Variants in EPB41L4A observed in about 807,000 individuals in gnomAD.
EPB41L4A encodes band 4.1-like protein 4A.
In EPB41L4A, 100 loss-of-function variants were observed where a neutral mutation model predicts 108.6. That is an observed-to-expected ratio of 0.92 (90% confidence interval 0.78 to 1.09). EPB41L4A has a LOEUF of 1.09. Among genes scored for constraint, EPB41L4A ranks in the 50% least tolerant of loss-of-function variants. The pLI is 0.00. For synonymous variants in EPB41L4A, 319 were observed against 289.0 expected (o/e 1.10, Z -1.05); for missense variants, 1,030 against 842.7 (o/e 1.22, Z -2.75).
chr5:112,316,922 C>T (rs1179829565), intron 1 of EPB41L4A, among the ~76,000 whole-genome samples: 4 of 152,174 alleles, frequency 2.6e-5, no homozygotes, highest in African/African-American at 4.8e-5. Flanking sequence ...GCAAGGTAAT[C>T]TGACTTCGTG....
chr5:112,366,171 A>C (rs991963617), intron 1 of EPB41L4A, among the ~76,000 whole-genome samples: 1 of 152,102 alleles, frequency 6.6e-6, no homozygotes, highest in African/African-American at 2.4e-5. Flanking sequence ...TTCAACACAG[A>C]AACTGTAGTG....
chr5:112,158,351 T>C, downstream of EPB41L4A: 2 of 305,884 alleles, frequency 6.5e-6, no homozygotes, highest in Admixed American at 4.1e-5. Context: ...TCCACAAACC[T>C]TTCATAATTC....
chr5:112,163,065 A>T lies in EPB41L4A; in HGVS notation c.*1925T>A, dbSNP rs1231042247. ...ACCACTTCAGGCTCCCTCTGGCTTTATTAAAGCAAGATAAATCCATGGTGG... is the reference window on the plus strand; with the variant it reads ...ACCACTTCAGGCTCCCTCTGGCTTTTTTAAAGCAAGATAAATCCATGGTGG... On this transcript the variant is annotated 3_prime_UTR_variant, in exon 23 of 23. Coordinates refer to ENST00000261486, the MANE Select transcript of EPB41L4A (RefSeq NM_022140.5). 4.6e-5 allele frequency: 7 copies of T among 152,368 alleles called. No homozygotes were observed. In the East Asian group the frequency reaches 1.3e-3, roughly 29 times the overall value. The allele number at this position is 152,368 out of a possible 1,614,324, so 9.4% of individuals were successfully genotyped here. A position where few individuals can be genotyped will look rare whatever the true frequency, so the allele number is the denominator to read the frequency against.
At chr5:112,257,241 T>A (rs532384077) in intron 9 of EPB41L4A, 2 of 152,248 alleles carry the variant, frequency 1.3e-5, no homozygotes, top group East Asian at 3.9e-4. Flanking sequence ...CAAGAATACT[T>A]AGGAAACAGA....
intron 1 of EPB41L4A, among the ~76,000 whole-genome samples, chr5:112,402,507 G>C (rs1249506814): frequency 6.6e-6 from 1 of 152,116 alleles, no homozygotes. Flanking sequence ...AAAAGCACGG[G>C]AGTGCTTGCT....
At chr5:112,386,771 C>G (rs909271518) in intron 1 of EPB41L4A, among the ~76,000 whole-genome samples, 3 of 152,134 alleles carry the variant, frequency 2.0e-5, no homozygotes, top group African/African-American at 7.2e-5. Context: ...AAGAAAGATA[C>G]TATATACATG....
At position 112,398,427 on chromosome 5, in the gene EPB41L4A, C is replaced by T. The variant is rs918414779; in HGVS notation, c.99+20514G>A. Among the ~76,000 whole-genome samples, 4 of 152,072 alleles carry T rather than the reference C, an allele frequency of 2.6e-5. No individual in the cohort carries two copies. In the East Asian group the frequency reaches 5.8e-4, roughly 22 times the overall value. On this transcript the variant is annotated intron_variant, in intron 1 of 22. Transcript: ENST00000261486. ...TGTCTTTGAGACAGTCTCACTCTGT[C>T]GTCCAGGCTGGAGTGCAGTGGCACC...
chr5:112,231,715 G>A (rs1466388069), intron 12 of EPB41L4A, among the ~76,000 whole-genome samples: 1 of 147,774 alleles, frequency 6.8e-6, no homozygotes, highest in Non-Finnish European at 1.5e-5. Flanking sequence ...AACCCGGGAG[G>A]CGGAGCTTGC....
intron 2 of EPB41L4A, among the ~76,000 whole-genome samples, chr5:112,303,145 T>C (rs548828542): frequency 5.7e-4 from 87 of 152,302 alleles, no homozygotes; most frequent in Non-Finnish European, 1.0e-3. Context: ...TTATCACTTA[T>C]ACATATTTTA....
chr5:112,221,765 C>T (rs78724058), intron 12 of EPB41L4A, among the ~76,000 whole-genome samples: 3 of 152,276 alleles, frequency 2.0e-5, no homozygotes, highest in African/African-American at 4.8e-5. Context: ...TGGTAACTCA[C>T]TAAAGCTGTG....
upstream of EPB41L4A, chr5:112,419,304 C>G (rs1284305585): frequency 1.4e-5 from 5 of 357,590 alleles, no homozygotes; most frequent in African/African-American, 4.4e-5. Flanking sequence ...GGCGCGTCCC[C>G]GCGCATCCTG....
intron 13 of EPB41L4A, among the ~76,000 whole-genome samples, chr5:112,206,364 T>TA (rs796960768): frequency 0.035 from 4,976 of 141,612 alleles, 154 homozygotes; most frequent in African/African-American, 0.092. Flanking sequence ...GACGAGGTAT[T>TA]AAAAAAAAAA....
chr5:112,166,368 A>G (rs1438720250), intron 22 of EPB41L4A, among the ~76,000 whole-genome samples: 1 of 152,242 alleles, frequency 6.6e-6, no homozygotes, highest in Admixed American at 6.5e-5. Flanking sequence ...AGTAAGATCC[A>G]AACGCTTCCC....
At position 112,284,271 on chromosome 5, in the gene EPB41L4A, G is replaced by T. The variant is rs1753141647; in HGVS notation, c.205-3948C>A. Among the ~76,000 whole-genome samples the T allele has an allele frequency of 2.0e-5, 3 of 150,934 alleles. No individual in the cohort carries two copies. In the South Asian group the frequency reaches 6.5e-4, roughly 32 times the overall value. ...GGTGCCCTAAGAGACTGTTCTTTTGGAGTCTCCTAGAGTTCTAATAGAATA... is the reference window on the plus strand; with the variant it reads ...GGTGCCCTAAGAGACTGTTCTTTTGTAGTCTCCTAGAGTTCTAATAGAATA... On this transcript the variant is annotated intron_variant, in intron 2 of 22. Transcript: ENST00000261486.
downstream of EPB41L4A, among the ~76,000 whole-genome samples, chr5:112,142,078 G>C (rs1561423138): frequency 2.6e-5 from 4 of 152,184 alleles, no homozygotes; most frequent in Non-Finnish European, 2.9e-5. Context: ...TCTGTGCCTT[G>C]TCTCTCTTCC....
At chr5:112,172,336 C>T (rs184110534) in intron 18 of EPB41L4A, among the ~76,000 whole-genome samples, 2 of 152,134 alleles carry the variant, frequency 1.3e-5, no homozygotes, top group East Asian at 3.9e-4. Flanking sequence ...CATGGCAAAA[C>T]CCCATCTCTA....
chr5:112,316,299 C>CA (rs1755424132), intron 1 of EPB41L4A, among the ~76,000 whole-genome samples: 2 of 152,272 alleles, frequency 1.3e-5, no homozygotes, highest in South Asian at 4.1e-4. Flanking sequence ...ATGAACTCTG[C>CA]AAAAAATTCT....
intron 1 of EPB41L4A, among the ~76,000 whole-genome samples, chr5:112,400,130 A>G (rs570887325): frequency 1.1e-3 from 168 of 152,316 alleles, no homozygotes; most frequent in African/African-American, 3.7e-3. Flanking sequence ...ACTTATGATC[A>G]TGGCCGAAGG....
intron 15 of EPB41L4A, among the ~76,000 whole-genome samples, chr5:112,203,003 G>A (rs925630956): frequency 3.3e-5 from 5 of 151,968 alleles, no homozygotes; most frequent in African/African-American, 4.8e-5. Flanking sequence ...AGGAATTCAA[G>A]ACCAGCCTGG....
Sources: gnomAD v4.1 joint callset for allele counts (sites outside exome capture counted in the v4.1 genomes callset) on GRCh38, gnomAD v4.1.1 for gene constraint, MANE v1.5 for transcripts, NCBI Gene and HGNC (gene_info 2026-07-23, HGNC 2026-07-21) for gene names.